The following PROSER2 variants were observed in gnomAD, a reference collection of about 807,000 sequenced individuals.
PROSER2 encodes proline and serine-rich protein 2.
In PROSER2, 18 loss-of-function variants were observed where a neutral mutation model predicts 14.6. The ratio of observed to expected loss-of-function variants is 1.23; its 90% CI spans 0.85 to 1.83. The LOEUF is 1.83. Among genes scored for constraint, PROSER2 ranks in the 40% most tolerant of loss-of-function variants. The pLI is 0.00. For synonymous variants in PROSER2, 367 were observed against 286.4 expected, an observed-to-expected ratio of 1.28 and a Z score of -2.84; for missense variants, 823 against 629.8, an observed-to-expected ratio of 1.31 and a Z score of -3.28.
chr10:11,828,622 G>A (rs1461228991), intron 1 of PROSER2, among the ~76,000 whole-genome samples: 1 of 152,144 alleles, frequency 6.6e-6, no homozygotes, highest in Non-Finnish European at 1.5e-5. Flanking sequence ...AGAATCGCTT[G>A]AACTCAGGAG....
intron 1 of PROSER2, among the ~76,000 whole-genome samples, chr10:11,825,425 C>T (rs1414601721): frequency 6.6e-6 from 1 of 152,174 alleles, no homozygotes; most frequent in Non-Finnish European, 1.5e-5. Context: ...TGGTGGCTTG[C>T]TTCCTAGGTG....
intron 1 of PROSER2, among the ~76,000 whole-genome samples, chr10:11,847,772 G>T (rs1409742283): frequency 6.6e-6 from 1 of 152,132 alleles, no homozygotes; most frequent in Non-Finnish European, 1.5e-5. Flanking sequence ...CTGTTGAAAT[G>T]TTTTCTTCCC....
intron 2 of PROSER2, among the ~76,000 whole-genome samples, chr10:11,854,199 T>C (rs1032842397): frequency 1.3e-5 from 2 of 152,248 alleles, no homozygotes; most frequent in Non-Finnish European, 2.9e-5. Flanking sequence ...TCCAGGGACA[T>C]TGAGCTAAGT....
intron 1 of PROSER2, among the ~76,000 whole-genome samples, chr10:11,826,436 T>A (rs533117390): frequency 6.6e-6 from 1 of 152,254 alleles, no homozygotes; most frequent in East Asian, 1.9e-4. Context: ...GTGATTAACT[T>A]GCTGAGGAGC....
Position 11,838,517 on chromosome 10 carries a change from C to T in PROSER2, c.-81-13480C>T, listed in dbSNP as rs1833793502. 6.6e-6 allele frequency among the ~76,000 whole-genome samples: 1 copy of T among 152,216 alleles called. No individual in the cohort carries two copies. The highest frequency in any genetic ancestry group is 6.5e-5 in the Admixed American group (1 of 15,270). The stretch of plus-strand genomic sequence containing the variant: ...TCCACATGTTCCTAGTAGACAGCTC[C>T]CCTGGAGTGAAGGCTGAGCAGTGGA... On this transcript the variant is annotated intron_variant, in intron 1 of 3. Transcript: ENST00000277570. The surrounding 1 kb of genome is among the most constrained non-coding windows in gnomAD (Gnocchi z 4.4).
intron 1 of PROSER2, among the ~76,000 whole-genome samples, chr10:11,834,137 G>A (rs141688457): frequency 9.9e-5 from 15 of 151,666 alleles, no homozygotes; most frequent in African/African-American, 3.4e-4. Context: ...TGGGATTACA[G>A]GCACTCACCA....
At position 11,866,753 on chromosome 10, in the gene PROSER2, G is replaced by A. The variant is rs200671439; in HGVS notation, c.361G>A (p.Glu121Lys). ...GCCAGCACCTGGCGCCGGGGAAGCC[G>A]AGGGCCTTCCAGAGGGGACCCAGGC... ...VQPAPGAGEA[E>K]GLPEGTQAAG... is the part of the protein sequence containing the mutation. Residue 121 changes from glutamate to lysine, a missense_variant, in exon 3 of 4, where the codon GAG becomes AAG. Glu to Lys is a moderately conservative substitution (Grantham distance 56). Coordinates refer to ENST00000277570, the MANE Select transcript of PROSER2 (RefSeq NM_153256.4). This position sits in a 1 kb window ranked among gnomAD's most constrained non-coding sequence, Gnocchi z 6.0. 389 of 1,612,844 alleles carry A rather than the reference G, an allele frequency of 2.4e-4. No homozygotes were observed. The East Asian group carries it at 4.3e-3, about 18-fold the overall frequency.
chr10:11,850,359 A>C (rs1206550450), intron 1 of PROSER2: 1 of 152,378 alleles, frequency 6.6e-6, no homozygotes, highest in African/African-American at 2.4e-5. Context: ...AATGGCAGGA[A>C]GACCTGGTTG....
At chr10:11,828,893 G>T (rs775364770) in intron 1 of PROSER2, among the ~76,000 whole-genome samples, 2 of 152,106 alleles carry the variant, frequency 1.3e-5, no homozygotes, top group Non-Finnish European at 2.9e-5. Flanking sequence ...CAGGTGTTTT[G>T]GGAGCAGAGG....
rs1409355126 is a variant in PROSER2 at position 11,862,408 on chromosome 10, T to C, written c.139-4123T>C. ...CTCTGCCAGATATCAAGACTTACTA[T>C]AGAATGGGCACAGTGGCTCATGCCT... On this transcript the variant is annotated intron_variant, in intron 2 of 3. Transcript: ENST00000277570. This position sits in a 1 kb window ranked among gnomAD's most constrained non-coding sequence, Gnocchi z 4.2. Among the ~76,000 whole-genome samples the C allele has an allele frequency of 2.0e-5, 3 of 152,192 alleles. No homozygotes were observed. The highest frequency in any genetic ancestry group is 2.1e-4 in the South Asian group (1 of 4,834).
rs1279804976 is a variant in PROSER2, at chr10:11,869,929, C to T, written c.831C>T (p.Ser277=). The T allele has an allele frequency of 2.6e-6, 4 of 1,548,850 alleles. No individual in the cohort carries two copies. In the African/African-American group the frequency reaches 4.2e-5, roughly 16 times the overall value. The change falls in exon 4 of 4, where the codon AGC becomes AGT. Residue 277 remains serine, a synonymous_variant. Transcript: ENST00000277570. The surrounding 1 kb of genome is among the most constrained non-coding windows in gnomAD (Gnocchi z 4.4). Reference sequence around the variant, plus strand: ...GGACCCTGTCCAGGGCGGCCGTCAGCGTGCAGGAGCGCAGGGCGCAGGTGT... The same window carrying T: ...GGACCCTGTCCAGGGCGGCCGTCAGTGTGCAGGAGCGCAGGGCGCAGGTGT... ...PRRTLSRAAV[S]VQERRAQVLA...
chr10:11,861,383 TC>T lies in PROSER2; in HGVS notation c.139-5147del, dbSNP rs1834235102. On this transcript the variant is annotated intron_variant, in intron 2 of 3. Transcript: ENST00000277570. Reference sequence around the variant, plus strand: ...TTCCACACTCTAGGGCAGTTGCTGATCTTATCTGAAGCCCTCATTGGGTGGT... The same window carrying T: ...TTCCACACTCTAGGGCAGTTGCTGATTTATCTGAAGCCCTCATTGGGTGGT... Among the ~76,000 whole-genome samples, 5 of 152,278 alleles carry T rather than the reference TC, an allele frequency of 3.3e-5. No individual in the cohort carries two copies. The South Asian group carries it at 8.3e-4, about 25-fold the overall frequency.
rs1240829768 is a variant in PROSER2 at position 11,823,608 on chromosome 10, CTCG to C, written c.-82+139_-82+141del. The stretch of plus-strand genomic sequence containing the variant: ...CGCCGGACCCTGCCTTGGCGCGCTC[CTCG>C]CTCTGACTAGGGGAGCCCGGCGCCG... On this transcript the variant is annotated intron_variant, in intron 1 of 3. Coordinates refer to ENST00000277570, the MANE Select transcript of PROSER2 (RefSeq NM_153256.4). This position sits in a 1 kb window ranked among gnomAD's most constrained non-coding sequence, Gnocchi z 6.2. 6.6e-6 allele frequency: 1 copy of C among 152,076 alleles called. No individual in the cohort carries two copies. Among genetic ancestry groups the C allele is most frequent in the East Asian group, 1.9e-4 (1 of 5,162 alleles). 9.4% of individuals were successfully genotyped at this position (152,076 alleles called of 1,614,324 possible).
rs1362609656 is a variant in PROSER2, at chr10:11,870,159, G to A, written c.1061G>A (p.Ser354Asn). Residue 354 changes from serine (S) to asparagine (N), a missense_variant, in exon 4 of 4, where the codon AGC becomes AAC. Coordinates refer to ENST00000277570, the MANE Select transcript of PROSER2 (RefSeq NM_153256.4). ...GFPSAHEALK[S>N]APSSFAPAGK... Reference sequence around the variant, plus strand: ...CCAAGTGCGCACGAGGCCCTGAAGAGCGCACCCAGCTCCTTCGCGCCCGCT... The same window carrying A: ...CCAAGTGCGCACGAGGCCCTGAAGAACGCACCCAGCTCCTTCGCGCCCGCT... 3 of 1,467,050 alleles carry A rather than the reference G, an allele frequency of 2.0e-6. No individual in the cohort carries two copies. The highest frequency in any genetic ancestry group is 2.7e-6 in the Non-Finnish European group (3 of 1,116,494). The allele number at this position is 1,467,050 out of a possible 1,614,324, so 90.9% of individuals were successfully genotyped here.
At chr10:11,853,290 T>C (rs914984018) in intron 2 of PROSER2, among the ~76,000 whole-genome samples, 17 of 151,706 alleles carry the variant, frequency 1.1e-4, no homozygotes, top group African/African-American at 4.1e-4. Context: ...TAATATGTGA[T>C]AAATATTATT....
intron 1 of PROSER2, among the ~76,000 whole-genome samples, chr10:11,847,699 G>GT (rs1564306594): frequency 1.3e-5 from 2 of 152,068 alleles, no homozygotes; most frequent in East Asian, 3.9e-4. Context: ...GATTACAGGC[G>GT]TGAGCCACCA....
chr10:11,848,916 T>C (rs909071580), intron 1 of PROSER2, among the ~76,000 whole-genome samples: 2 of 152,052 alleles, frequency 1.3e-5, no homozygotes, highest in African/African-American at 2.4e-5. Flanking sequence ...AAGCCAGGTG[T>C]GGTGGCTCAC....
chr10:11,852,300 A>C, intron 2 of PROSER2, 85 bp downstream of exon 2: 2 of 1,425,872 alleles, frequency 1.4e-6, no homozygotes, highest in South Asian at 1.5e-5. Context: ...GGAATATTTT[A>C]CCAGATCTTT....
chr10:11,825,256 T>C (rs888778619), intron 1 of PROSER2, among the ~76,000 whole-genome samples: 18 of 11,326 alleles, frequency 1.6e-3, no homozygotes, highest in Non-Finnish European at 4.5e-3. Context: ...CTCTAGAACT[T>C]AGAAGTTCAA....
Sources: allele counts gnomAD v4.1 joint callset (sites outside exome capture counted in the v4.1 genomes callset), GRCh38; gene constraint gnomAD v4.1.1; non-coding constraint Gnocchi (gnomAD v3.1); transcripts MANE v1.5; gene names NCBI Gene and HGNC (gene_info 2026-07-23, HGNC 2026-07-21).